DHX32: variants seen among roughly 807,000 people sequenced by gnomAD.
DHX32 encodes putative pre-mRNA-splicing factor ATP-dependent RNA helicase DHX32.
In DHX32, 51 loss-of-function variants were observed where a neutral mutation model predicts 70.0. The ratio of observed to expected loss-of-function variants is 0.73; its 90% CI spans 0.58 to 0.92. The LOEUF is 0.92. Ranked by LOEUF, DHX32 falls within the 40% of genes least tolerant of loss-of-function variation. The pLI, the probability that DHX32 is intolerant of heterozygous loss-of-function variation, is 0.00. For synonymous variants in DHX32, 310 were observed against 315.3 expected, an observed-to-expected ratio of 0.98 and a Z score of 0.18; for missense variants, 762 against 891.8, an observed-to-expected ratio of 0.85 and a Z score of 1.85.
rs115190361 is a variant in DHX32 at position 125,839,824 on chromosome 10, C to T, written c.1694-636G>A. Reference sequence around the variant, plus strand: ...AGATGGACCTGGGAATGTACATGGCCATGGCACCATGGACAGAAGACCCTC... The same window carrying T: ...AGATGGACCTGGGAATGTACATGGCTATGGCACCATGGACAGAAGACCCTC... On this transcript the variant is annotated intron_variant, in intron 8 of 10. Coordinates refer to ENST00000284690, the MANE Select transcript of DHX32 (RefSeq NM_018180.3). Among the ~76,000 whole-genome samples, 698 of 152,244 alleles carry T rather than the reference C, an allele frequency of 4.6e-3. 3 individuals are homozygous for T. The highest frequency in any genetic ancestry group is 0.016 in the African/African-American group (645 of 41,538).
At chr10:125,848,766 A>C (rs1406270165) in intron 6 of DHX32, among the ~76,000 whole-genome samples, 1 of 152,158 alleles carries the variant, frequency 6.6e-6, no homozygotes, top group Non-Finnish European at 1.5e-5. Flanking sequence ...GGTAGGAGTC[A>C]CTCAGACGAT....
chr10:125,881,405 G>A (rs1051904065), upstream of DHX32: 6 of 152,366 alleles, frequency 3.9e-5, no homozygotes, highest in African/African-American at 1.2e-4. Flanking sequence ...AATCAATCAC[G>A]TGGTCACCTA....
At chr10:125,892,187 T>C (rs567498009) in intron 1 of DHX32, among the ~76,000 whole-genome samples, 12 of 152,360 alleles carry the variant, frequency 7.9e-5, no homozygotes, top group Middle Eastern at 3.4e-3. Flanking sequence ...TGGCTTCTCC[T>C]TCCTCATCTC....
rs148228542 is a variant in DHX32 at position 125,842,257 on chromosome 10, C to T, written c.1352-323G>A. 3.1e-4 allele frequency: 86 copies of T among 279,836 alleles called. 2 individuals carry two copies. The East Asian group carries it at 5.6e-3, about 18-fold the overall frequency. The allele number at this position is 279,836 out of a possible 1,614,324, so 17.3% of individuals were successfully genotyped here. A position where few individuals can be genotyped will look rare whatever the true frequency, so the allele number is the denominator to read the frequency against. On this transcript the variant is annotated intron_variant, in intron 6 of 10. Coordinates refer to ENST00000284690, the MANE Select transcript of DHX32 (RefSeq NM_018180.3). Reference sequence around the variant, plus strand: ...AGGGATCCAGGGAGACTAAGGTGGCCGGAACTCGCGGTCACAGTACTGGAG... The same window carrying T: ...AGGGATCCAGGGAGACTAAGGTGGCTGGAACTCGCGGTCACAGTACTGGAG...
intron 2 of DHX32, among the ~76,000 whole-genome samples, chr10:125,860,965 G>C (rs1944184240): frequency 6.6e-6 from 1 of 151,602 alleles, no homozygotes; most frequent in Non-Finnish European, 1.5e-5. Context: ...TGTTAGCCAG[G>C]ATGGTCTCGA....
intron 3 of DHX32, 81 bp from the exon 4 acceptor site, chr10:125,854,284 T>G (rs1944127445): frequency 2.1e-6 from 3 of 1,415,110 alleles, no homozygotes; most frequent in African/African-American, 2.9e-5. Flanking sequence ...TACAAAAAAT[T>G]TTAGGCAATA....
At chr10:125,878,156 C>T (rs999828965) in intron 1 of DHX32, among the ~76,000 whole-genome samples, 1 of 152,172 alleles carries the variant, frequency 6.6e-6, no homozygotes, top group Non-Finnish European at 1.5e-5. Context: ...GGACATACCT[C>T]CCCAGAATAT....
intron 1 of DHX32, among the ~76,000 whole-genome samples, chr10:125,876,529 A>G (rs1944284822): frequency 6.6e-6 from 1 of 152,198 alleles, no homozygotes; most frequent in African/African-American, 2.4e-5. Flanking sequence ...AATTAACATC[A>G]CCAGCATGGG....
chr10:125,867,937 C>A (rs1467946170), intron 1 of DHX32, among the ~76,000 whole-genome samples: 1 of 152,000 alleles, frequency 6.6e-6, no homozygotes, highest in African/African-American at 2.4e-5. Context: ...ACTAGTGACT[C>A]AAAATTAAAG....
At chr10:125,864,923 CTG>C (rs1263517035) in intron 2 of DHX32, among the ~76,000 whole-genome samples, 1 of 67,270 alleles carries the variant, frequency 1.5e-5, no homozygotes, top group Non-Finnish European at 2.6e-5. Context: ...GAGTGGGACT[CTG>C]TCTCAAAAAA....
chr10:125,849,612 C>T (rs530125322), intron 6 of DHX32, among the ~76,000 whole-genome samples: 1 of 152,264 alleles, frequency 6.6e-6, no homozygotes, highest in South Asian at 2.1e-4. Flanking sequence ...ACTCTCTGGG[C>T]TGTTTGGGCA....
chr10:125,856,170 T>C (rs955049210), intron 3 of DHX32, among the ~76,000 whole-genome samples: 2 of 152,216 alleles, frequency 1.3e-5, no homozygotes, highest in Non-Finnish European at 2.9e-5. Context: ...ATGTGGTTTA[T>C]TTACATACGC....
chr10:125,862,163 C>G (rs1479483814), intron 2 of DHX32, among the ~76,000 whole-genome samples: 2 of 152,204 alleles, frequency 1.3e-5, no homozygotes, highest in African/African-American at 4.8e-5. Flanking sequence ...GATAGTTGTT[C>G]TATCTGTTGT....
chr10:125,860,979 C>G (rs1189268267), intron 2 of DHX32, among the ~76,000 whole-genome samples: 1 of 151,724 alleles, frequency 6.6e-6, no homozygotes, highest in African/African-American at 2.4e-5. Flanking sequence ...GTCTCGATCT[C>G]CTGACCTTGT....
chr10:125,846,720 A>C lies in DHX32; in HGVS notation c.1352-4786T>G, dbSNP rs192347104. Among the ~76,000 whole-genome samples the C allele has an allele frequency of 1.7e-3, 252 of 152,294 alleles. 1 individual carries two copies. Among genetic ancestry groups the C allele is most frequent in the African/African-American group, 5.6e-3 (234 of 41,554 alleles). ...GGACAGGATTTTGTGCCACGTGACA[A>C]CACCACATTATCACTACTAACCCCA... On this transcript the variant is annotated intron_variant, in intron 6 of 10. Coordinates refer to ENST00000284690, the MANE Select transcript of DHX32 (RefSeq NM_018180.3).
At chr10:125,891,506 G>GAT (rs1944371028) in intron 1 of DHX32, among the ~76,000 whole-genome samples, 1 of 152,284 alleles carries the variant, frequency 6.6e-6, no homozygotes, top group Admixed American at 6.5e-5. Context: ...TTGGAAGGCT[G>GAT]AGGCGGGAGG....
intron 2 of DHX32, among the ~76,000 whole-genome samples, chr10:125,864,867 T>C (rs538667802): frequency 1.6e-5 from 2 of 127,212 alleles, no homozygotes; most frequent in East Asian, 4.7e-4. Context: ...AAGATGGAGG[T>C]TGAAGTGAGC....
At chr10:125,845,635 A>G (rs566407986) in intron 6 of DHX32, among the ~76,000 whole-genome samples, 1 of 152,314 alleles carries the variant, frequency 6.6e-6, no homozygotes, top group South Asian at 2.1e-4. Context: ...CAGAGAAGTA[A>G]GGCTGGATTT....
At chr10:125,876,747 T>A (rs1294299714) in intron 1 of DHX32, among the ~76,000 whole-genome samples, 1 of 152,216 alleles carries the variant, frequency 6.6e-6, no homozygotes, top group East Asian at 1.9e-4. Context: ...TGGGGAGTTG[T>A]GTCAGATTAA....
Sources: gnomAD v4.1 joint callset for allele counts (sites outside exome capture counted in the v4.1 genomes callset) on GRCh38, gnomAD v4.1.1 for gene constraint, MANE v1.5 for transcripts, NCBI Gene and HGNC (gene_info 2026-07-23, HGNC 2026-07-21) for gene names.